Variants in THSD7A observed in about 807,000 individuals in gnomAD.
THSD7A encodes thrombospondin type-1 domain-containing protein 7A.
A neutral mutation model predicts 231.3 loss-of-function variants in THSD7A; 96 were observed. The observed-to-expected ratio is 0.41, with a 90% CI of 0.35 to 0.49. The LOEUF (loss-of-function observed/expected upper bound fraction) is 0.49. Among genes scored for constraint, THSD7A ranks in the 20% least tolerant of loss-of-function variants. THSD7A has a pLI of 0.05. For synonymous variants in THSD7A, 940 were observed against 743.3 expected, an observed-to-expected ratio of 1.26 and a Z score of -4.30; for missense variants, 2,290 against 2,070.2, an observed-to-expected ratio of 1.11 and a Z score of -2.06.
At chr7:11,434,548 T>C (rs1351150849) in intron 13 of THSD7A, among the ~76,000 whole-genome samples, 2 of 152,118 alleles carry the variant, frequency 1.3e-5, no homozygotes, top group African/African-American at 4.8e-5. Context: ...AGAATTCATT[T>C]TGAAAGCACA....
intron 1 of THSD7A, among the ~76,000 whole-genome samples, chr7:11,815,403 C>T (rs1463132305): frequency 2.6e-5 from 4 of 152,076 alleles, no homozygotes; most frequent in African/African-American, 7.2e-5. Context: ...ATCTACTCCC[C>T]TCATTTGTAT....
At chr7:11,680,014 C>A (rs139090436) in intron 1 of THSD7A, among the ~76,000 whole-genome samples, 1 of 151,344 alleles carries the variant, frequency 6.6e-6, no homozygotes, top group Admixed American at 6.6e-5. Context: ...ACCAATGGAA[C>A]GTAACAGAGG....
chr7:11,581,084 G>C (rs1473059988), intron 4 of THSD7A, among the ~76,000 whole-genome samples: 1 of 151,972 alleles, frequency 6.6e-6, no homozygotes, highest in Non-Finnish European at 1.5e-5. Context: ...AACATAGAAT[G>C]AGTTTAATAT....
chr7:11,584,015 T>C (rs1791283992), intron 4 of THSD7A, among the ~76,000 whole-genome samples: 1 of 152,170 alleles, frequency 6.6e-6, no homozygotes, highest in Non-Finnish European at 1.5e-5. Flanking sequence ...GATTATCCTT[T>C]GAGATTAATG....
chr7:11,831,730 G>T lies in THSD7A; in HGVS notation c.190+27C>A. On this transcript the variant is annotated intron_variant, in intron 1 of 27. Transcript: ENST00000423059. The surrounding 1 kb of genome is among the most constrained non-coding windows in gnomAD (Gnocchi z 5.0). ...TAATGTGGCCCCAGATGTGAAGATG[G>T]GGAAAGGGTAACTCCGTCCCACTTA... is the stretch of plus-strand genomic sequence containing the variant. The T allele has an allele frequency of 7.2e-7, 1 of 1,382,150 alleles. No individual in the cohort carries two copies. Among genetic ancestry groups the T allele is most frequent in the South Asian group, 1.9e-5 (1 of 51,442 alleles). The allele number at this position is 1,382,150 out of a possible 1,614,324, so 85.6% of individuals were successfully genotyped here. A position where few individuals can be genotyped will look rare whatever the true frequency, so the allele number is the denominator to read the frequency against.
chr7:11,732,269 C>T (rs1473199961), intron 1 of THSD7A, among the ~76,000 whole-genome samples: 2 of 151,600 alleles, frequency 1.3e-5, no homozygotes, highest in Non-Finnish European at 3.0e-5. Flanking sequence ...AAAAATTTAC[C>T]ATGCATTACT....
chr7:11,786,281 AT>A (rs1242721250), intron 1 of THSD7A, among the ~76,000 whole-genome samples: 1 of 152,070 alleles, frequency 6.6e-6, no homozygotes, highest in African/African-American at 2.4e-5. Flanking sequence ...TCAACTGTAC[AT>A]TCTCCCTTGG....
intron 1 of THSD7A, among the ~76,000 whole-genome samples, chr7:11,746,121 C>T (rs1276621089): frequency 6.6e-6 from 1 of 151,132 alleles, no homozygotes; most frequent in African/African-American, 2.5e-5. Context: ...GTTTAATCAA[C>T]CTTTTAATTA....
At chr7:11,733,388 G>A (rs1781802546) in intron 1 of THSD7A, among the ~76,000 whole-genome samples, 1 of 151,848 alleles carries the variant, frequency 6.6e-6, no homozygotes, top group Admixed American at 6.6e-5. Flanking sequence ...GACATTTAAT[G>A]TTAAAAATCC....
At chr7:11,399,670 G>A (rs1783323729) in intron 23 of THSD7A, among the ~76,000 whole-genome samples, 1 of 152,172 alleles carries the variant, frequency 6.6e-6, no homozygotes, top group Non-Finnish European at 1.5e-5. Flanking sequence ...AACAGGTGCT[G>A]GAGAGGATCT....
chr7:11,654,138 T>C (rs1280789128), intron 1 of THSD7A, among the ~76,000 whole-genome samples: 2 of 151,928 alleles, frequency 1.3e-5, no homozygotes, highest in East Asian at 3.9e-4. Context: ...GATTGTATAG[T>C]TTCTGGGACC....
intron 1 of THSD7A, among the ~76,000 whole-genome samples, chr7:11,719,666 T>C (rs982447307): frequency 1.3e-5 from 2 of 151,644 alleles, no homozygotes; most frequent in African/African-American, 4.8e-5. Flanking sequence ...ATTAGAACTG[T>C]GGCCACAAAC....
intron 15 of THSD7A, among the ~76,000 whole-genome samples, chr7:11,425,313 C>G (rs1784282285): frequency 6.6e-6 from 1 of 152,032 alleles, no homozygotes; most frequent in Non-Finnish European, 1.5e-5. Flanking sequence ...TTCCAGATAA[C>G]TATAAATAAT....
chr7:11,825,870 T>A (rs1328624113), intron 1 of THSD7A, among the ~76,000 whole-genome samples: 1 of 152,208 alleles, frequency 6.6e-6, no homozygotes, highest in African/African-American at 2.4e-5. Context: ...TGTGACATTC[T>A]GAATAAAAGT....
intron 6 of THSD7A, among the ~76,000 whole-genome samples, chr7:11,517,736 T>A (rs530519697): frequency 6.6e-6 from 1 of 152,224 alleles, no homozygotes; most frequent in African/African-American, 2.4e-5. Context: ...GATAATTTTA[T>A]AGTAGGTTTA....
intron 1 of THSD7A, among the ~76,000 whole-genome samples, chr7:11,808,122 T>G (rs1784443461): frequency 6.7e-6 from 1 of 150,020 alleles, no homozygotes. Context: ...TACGCCAGGG[T>G]GCCAACTTCT....
intron 1 of THSD7A, among the ~76,000 whole-genome samples, chr7:11,794,295 C>T (rs566514024): frequency 1.3e-5 from 2 of 152,006 alleles, no homozygotes; most frequent in African/African-American, 4.8e-5. Context: ...AAATTTGAGT[C>T]AGCACTTCAA....
At chr7:11,757,217 T>C (rs1386154769) in intron 1 of THSD7A, among the ~76,000 whole-genome samples, 5 of 152,058 alleles carry the variant, frequency 3.3e-5, no homozygotes, top group African/African-American at 4.8e-5. Flanking sequence ...AATTAGAGTT[T>C]GGAAATACTA....
At chr7:11,579,118 A>C (rs980195351) in intron 4 of THSD7A, among the ~76,000 whole-genome samples, 1 of 152,164 alleles carries the variant, frequency 6.6e-6, no homozygotes, top group African/African-American at 2.4e-5. Flanking sequence ...AAATGATGAG[A>C]CCTTTCCAAG....
Sources: gnomAD v4.1 joint callset for allele counts (sites outside exome capture counted in the v4.1 genomes callset) on GRCh38, gnomAD v4.1.1 for gene constraint, Gnocchi (gnomAD v3.1) non-coding constraint, MANE v1.5 for transcripts, NCBI Gene and HGNC (gene_info 2026-07-23, HGNC 2026-07-21) for gene names.